ALG12: variants seen among roughly 807,000 people sequenced by gnomAD.
The protein encoded by ALG12 is ALG12 alpha-1,6-mannosyltransferase.
ALG12 carries 36 observed loss-of-function variants against 46.0 expected under a neutral mutation model. That is an observed-to-expected ratio of 0.78 (90% CI 0.60 to 1.03). The LOEUF (loss-of-function observed/expected upper bound fraction) is 1.03. Ranked by LOEUF, ALG12 falls within the 50% of genes least tolerant of loss-of-function variation. The probability of loss-of-function intolerance (pLI) is 0.00; values close to 1 mark genes in which losing one functional copy is unlikely to be tolerated. For synonymous variants in ALG12, 326 were observed against 291.6 expected (o/e 1.12, Z -1.20); for missense variants, 599 against 633.5 (o/e 0.95, Z 0.58).
the ALG12 span, chr22:49,884,018 C>T: frequency 3.1e-6 from 5 of 1,608,888 alleles, no homozygotes; most frequent in Non-Finnish European, 4.2e-6. Context: ...AAGAAGTCTC[C>T]AGCCTGGAAG....
the ALG12 span, among the ~76,000 whole-genome samples, chr22:49,881,025 T>C: frequency 6.6e-6 from 1 of 152,368 alleles, no homozygotes; most frequent in East Asian, 1.9e-4. Flanking sequence ...TGCATGCTTT[T>C]GGACATTATA....
At chr22:49,908,315 G>A (rs984123023) in intron 6 of ALG12, among the ~76,000 whole-genome samples, 7 of 128,802 alleles carry the variant, frequency 5.4e-5, no homozygotes, top group African/African-American at 1.8e-4. Context: ...AGATCACGAG[G>A]TAAAGAGATC....
chr22:49,886,838 C>T, the ALG12 span: 5 of 1,613,876 alleles, frequency 3.1e-6, no homozygotes, highest in Non-Finnish European at 8.5e-7. This position sits in a 1 kb window ranked among gnomAD's most constrained non-coding sequence, Gnocchi z 7.7. Context: ...AAAGACTCTG[C>T]CGCAGAGGAG....
At chr22:49,883,436 G>C in the ALG12 span, 214 of 487,838 alleles carry the variant, frequency 4.4e-4, no homozygotes, top group Non-Finnish European at 6.9e-4. Context: ...TCTACACCAT[G>C]AGTGTTTAGT....
chr22:49,883,490 A>T, the ALG12 span: 1 of 869,398 alleles, frequency 1.2e-6, no homozygotes, highest in South Asian at 2.4e-5. Flanking sequence ...TAAGACCATG[A>T]GTCACAGATT....
chr22:49,886,778 C>T, the ALG12 span: 16 of 1,612,450 alleles, frequency 9.9e-6, no homozygotes, highest in Non-Finnish European at 1.4e-5. This position sits in a 1 kb window ranked among gnomAD's most constrained non-coding sequence, Gnocchi z 7.7. Context: ...ATGAATTCTA[C>T]CTCAGAGGAC....
chr22:49,904,324 C>A lies in ALG12; in HGVS notation c.1162+13G>T. The stretch of plus-strand genomic sequence containing the variant: ...AGCCACAGCAGTCCCCAGGCAGTGC[C>A]CCCAGCACCCACCTGTCTGGGGGGG... On this transcript the variant is annotated intron_variant, in intron 8 of 9. Transcript: ENST00000330817. 1 of 1,614,152 alleles carries A rather than the reference C, an allele frequency of 6.2e-7. No homozygotes were observed. The highest frequency in any genetic ancestry group is 8.5e-7 in the Non-Finnish European group (1 of 1,180,020).
At chr22:49,890,372 A>G in the ALG12 span, among the ~76,000 whole-genome samples, 140,513 of 152,306 alleles carry the variant, frequency 0.92, 64,921 homozygotes, top group African/African-American at 0.98. Flanking sequence ...CTCCATCAAG[A>G]TCAAGATACT....
chr22:49,908,828 T>TATA (rs901456977), intron 6 of ALG12, among the ~76,000 whole-genome samples: 4 of 151,104 alleles, frequency 2.6e-5, no homozygotes, highest in African/African-American at 9.8e-5. Flanking sequence ...GGCGTGCGCC[T>TATA]ATAGTCCCAG....
At chr22:49,900,015 T>C (rs1053615314), downstream of ALG12, among the ~76,000 whole-genome samples, 3 of 151,972 alleles carry the variant, frequency 2.0e-5, no homozygotes, top group East Asian at 5.8e-4. Context: ...TTTTTAAAAA[T>C]TAGCTGGGCT....
the ALG12 span, among the ~76,000 whole-genome samples, chr22:49,876,725 G>A: frequency 2.6e-5 from 4 of 151,950 alleles, no homozygotes; most frequent in African/African-American, 4.8e-5. Context: ...GAAATCTCTC[G>A]TTTTCATGAT....
chr22:49,913,815 C>T lies in ALG12; in HGVS notation c.-50G>A. The T allele has an allele frequency of 6.2e-7, 1 of 1,608,104 alleles. No individual in the cohort carries two copies. Among genetic ancestry groups the T allele is most frequent in the East Asian group, 2.2e-5 (1 of 44,888 alleles). On this transcript the variant is annotated 5_prime_UTR_variant, in exon 2 of 10. Coordinates refer to ENST00000330817, the MANE Select transcript of ALG12 (RefSeq NM_024105.4). ...TTCACAGGCCAACAGTGCGAGACAC[C>T]AGCCGTTAGCACTGCCACTCCACGC...
At position 49,904,213 on chromosome 22, in the gene ALG12, C is replaced by T; in HGVS notation, c.1204G>A (p.Val402Met). 1 of 1,614,150 alleles carries T rather than the reference C, an allele frequency of 6.2e-7. No homozygotes were observed. Among genetic ancestry groups the T allele is most frequent in the East Asian group, 2.2e-5 (1 of 44,882 alleles). Residue 402 changes from valine to methionine, a missense_variant, in exon 9 of 10, where the codon GTG becomes ATG. Coordinates refer to ENST00000330817, the MANE Select transcript of ALG12 (RefSeq NM_024105.4). ...HIDVAAAQTG[V>M]SRFLQVNSAW... is the part of the protein sequence containing the mutation. ...CTGTTGACTTGGAGAAACCGAGACA[C>T]ACCTGTCTGGGCGGCTGCCACGTCA...
In ALG12 at chr22:49,906,321, GCTC is replaced by G. The variant is rs1339864927; in HGVS notation, c.992+1397_992+1399del. On this transcript the variant is annotated intron_variant, in intron 7 of 9. Coordinates refer to ENST00000330817, the MANE Select transcript of ALG12 (RefSeq NM_024105.4). This position sits in a 1 kb window ranked among gnomAD's most constrained non-coding sequence, Gnocchi z 4.4. ...TTTTCCATGACTCTGGCTGGGGTCT[GCTC>G]CTCCTCCAGCCCTGAGCCGACCCCT... Among the ~76,000 whole-genome samples, 1 of 152,140 alleles carries G rather than the reference GCTC, an allele frequency of 6.6e-6. No individual in the cohort carries two copies.
rs2060570166 is a variant in ALG12, at chr22:49,910,472, C to T, written c.431G>A (p.Cys144Tyr). 1 of 1,613,832 alleles carries T rather than the reference C, an allele frequency of 6.2e-7. No individual in the cohort carries two copies. Among genetic ancestry groups the T allele is most frequent in the Non-Finnish European group, 8.5e-7 (1 of 1,180,032 alleles). ...CAGCACATTGGGCAGTGTCCGCGTG[C>T]AGTAGAACATCAGGTGGAACTGCAT... The part of the protein sequence containing the change: ...TAMQFHLMFY[C>Y]TRTLPNVLAL... Residue 144 changes from cysteine (C) to tyrosine (Y), a missense_variant, in exon 4 of 10, where the codon TGC becomes TAC. Transcript: ENST00000330817.
chr22:49,894,617 C>A, the ALG12 span, among the ~76,000 whole-genome samples: 1 of 152,188 alleles, frequency 6.6e-6, no homozygotes, highest in Admixed American at 6.5e-5. Flanking sequence ...GATGACACAA[C>A]AATGCTAAAC....
At position 49,915,246 on chromosome 22, in the gene ALG12, T is replaced by G. The variant is rs2060602783; in HGVS notation, c.-78-1403A>C. On this transcript the variant is annotated intron_variant, in intron 1 of 9. Transcript: ENST00000330817. ...CCTGGGGCCGGGCGCGGTCGCTCATTCCCGTAATCCCAGCTCTTTGGGAGG... is the reference window on the plus strand; with the variant it reads ...CCTGGGGCCGGGCGCGGTCGCTCATGCCCGTAATCCCAGCTCTTTGGGAGG... Among the ~76,000 whole-genome samples, 3 of 152,140 alleles carry G rather than the reference T, an allele frequency of 2.0e-5. No individual in the cohort carries two copies. The South Asian group carries it at 6.2e-4, about 32-fold the overall frequency.
At chr22:49,889,147 T>C in the ALG12 span, 2 of 167,076 alleles carry the variant, frequency 1.2e-5, no homozygotes, top group African/African-American at 4.8e-5. Context: ...GTTCCTGGAA[T>C]GCAACAGAGA....
At chr22:49,882,448 C>T in the ALG12 span, among the ~76,000 whole-genome samples, 8 of 152,308 alleles carry the variant, frequency 5.3e-5, no homozygotes, top group African/African-American at 1.9e-4. Context: ...TTTCTAGAGT[C>T]TGGTTTTATT....
Sources: gnomAD v4.1 joint callset for allele counts (sites outside exome capture counted in the v4.1 genomes callset) on GRCh38, gnomAD v4.1.1 for gene constraint, Gnocchi (gnomAD v3.1) non-coding constraint, MANE v1.5 for transcripts, NCBI Gene and HGNC (gene_info 2026-07-23, HGNC 2026-07-21) for gene names.